NNMT: variants seen among roughly 807,000 people sequenced by gnomAD.
The protein encoded by NNMT is nicotinamide N-methyltransferase.
A neutral mutation model predicts 11.7 loss-of-function variants in NNMT; 10 were observed. That is an observed-to-expected ratio of 0.85 (90% CI 0.53 to 1.45). NNMT has a LOEUF of 1.45. NNMT is among the 40% of genes most tolerant of loss of function. NNMT has a pLI of 0.00. For synonymous variants in NNMT, 143 were observed against 133.8 expected, an observed-to-expected ratio of 1.07 and a Z score of -0.48; for missense variants, 381 against 319.4, an observed-to-expected ratio of 1.19 and a Z score of -1.47.
chr11:114,263,634 C>T (rs927865738), intron 2 of NNMT, among the ~76,000 whole-genome samples: 1 of 152,224 alleles, frequency 6.6e-6, no homozygotes. Context: ...ACCACGTAGA[C>T]CCCACACCTG....
intron 2 of NNMT, among the ~76,000 whole-genome samples, chr11:114,276,107 G>GCC (rs35929563): frequency 0.037 from 5,295 of 142,012 alleles, 66 homozygotes; most frequent in Middle Eastern, 0.078. Context: ...GTTTCAGGCT[G>GCC]CCCCCCCACC....
At chr11:114,284,525 G>A (rs1350263007) in intron 2 of NNMT, among the ~76,000 whole-genome samples, 1 of 152,120 alleles carries the variant, frequency 6.6e-6, no homozygotes, top group Non-Finnish European at 1.5e-5. Flanking sequence ...GTGCAGTGGT[G>A]CTATCTTGGC....
At chr11:114,284,289 C>A (rs1945281058) in intron 2 of NNMT, among the ~76,000 whole-genome samples, 1 of 152,158 alleles carries the variant, frequency 6.6e-6, no homozygotes, top group Admixed American at 6.5e-5. Flanking sequence ...GCCCTATCAC[C>A]CTGGATGCCA....
In NNMT at chr11:114,312,542, AC is replaced by A; in HGVS notation, c.*66del. The A allele has an allele frequency of 1.3e-6, 2 of 1,495,998 alleles. No individual in the cohort carries two copies. Among genetic ancestry groups the A allele is most frequent in the Non-Finnish European group, 1.8e-6 (2 of 1,099,444 alleles). The allele number at this position is 1,495,998 out of a possible 1,614,324, so 92.7% of individuals were successfully genotyped here. On this transcript the variant is annotated 3_prime_UTR_variant, in exon 3 of 3. Coordinates refer to ENST00000299964, the MANE Select transcript of NNMT (RefSeq NM_006169.3). ...CAGTTGACTTTAGTCCTTGTTTCTA[AC>A]TGCCAAGTCATGTGCTGAGTAGAGG...
At chr11:114,286,603 A>T (rs866307693) in intron 2 of NNMT, among the ~76,000 whole-genome samples, 2 of 152,182 alleles carry the variant, frequency 1.3e-5, no homozygotes, top group Admixed American at 6.5e-5. Context: ...CTTTCGCCCT[A>T]CATCATTTGG....
At chr11:114,277,242 A>C (rs1945220584) in intron 2 of NNMT, among the ~76,000 whole-genome samples, 1 of 152,162 alleles carries the variant, frequency 6.6e-6, no homozygotes, top group Non-Finnish European at 1.5e-5. Flanking sequence ...ATAAATAAAT[A>C]AAAGAAAAAG....
chr11:114,298,776 A>G lies in NNMT; in HGVS notation c.362+618A>G, dbSNP rs1941403. 6.6e-3 allele frequency among the ~76,000 whole-genome samples: 1,005 copies of G among 152,352 alleles called. 11 individuals carry two copies. The highest frequency in any genetic ancestry group is 0.023 in the African/African-American group (968 of 41,578). The stretch of plus-strand genomic sequence containing the variant: ...CAAGATCTTACACTACCACATCTAC[A>G]TGTAAATTTATGCAAATGAATCTCA... On this transcript the variant is annotated intron_variant, in intron 2 of 2. Transcript: ENST00000299964.
chr11:114,261,477 G>C (rs180734438), intron 1 of NNMT, among the ~76,000 whole-genome samples: 6,728 of 152,250 alleles, frequency 0.044, 164 homozygotes, highest in Non-Finnish European at 0.052. Context: ...CCAGCTACTC[G>C]GGAGGCTGAG....
intron 2 of NNMT, among the ~76,000 whole-genome samples, chr11:114,276,252 A>G (rs1280446255): frequency 1.3e-5 from 2 of 152,110 alleles, no homozygotes; most frequent in African/African-American, 4.8e-5. Flanking sequence ...CACTGCCCCT[A>G]GAGAGGAATT....
At chr11:114,278,798 C>T (rs1945236092) in intron 2 of NNMT, among the ~76,000 whole-genome samples, 1 of 152,160 alleles carries the variant, frequency 6.6e-6, no homozygotes. Context: ...GAGAAGCTTG[C>T]AGCAGATGGG....
intron 2 of NNMT, chr11:114,270,271 G>A (rs1320926720): frequency 6.6e-6 from 1 of 152,126 alleles, no homozygotes; most frequent in Non-Finnish European, 1.5e-5. Context: ...AACTAGATTT[G>A]AATTATTAAT....
chr11:114,304,919 A>G (rs936342665), intron 2 of NNMT, among the ~76,000 whole-genome samples: 7 of 152,238 alleles, frequency 4.6e-5, no homozygotes, highest in African/African-American at 1.2e-4. Context: ...AAACACTAAG[A>G]TACAATTACT....
At chr11:114,289,830 C>T (rs369767200) in intron 2 of NNMT, among the ~76,000 whole-genome samples, 1 of 152,172 alleles carries the variant, frequency 6.6e-6, no homozygotes. Flanking sequence ...TTGGGATGCT[C>T]TAACAAAATG....
In NNMT at chr11:114,312,475, T is replaced by C; in HGVS notation, c.793T>C (p.Ter265ArgextTer3). The change falls in exon 3 of 3, where the codon TGA becomes CGA. Residue 265 changes from the stop codon to arginine, a stop_lost. Transcript: ENST00000299964. ...LVARKLSRPL[*>R] ...GGCGAGGAAGCTGAGCAGACCCCTG[T>C]GATGCCTGTGACCTCAATTAAAGCA... is the stretch of plus-strand genomic sequence containing the variant. The C allele has an allele frequency of 6.2e-7, 1 of 1,611,546 alleles. No individual in the cohort carries two copies. The highest frequency in any genetic ancestry group is 8.5e-7 in the Non-Finnish European group (1 of 1,178,454).
intron 2 of NNMT, among the ~76,000 whole-genome samples, chr11:114,274,359 G>A (rs1036458285): frequency 6.6e-5 from 10 of 152,262 alleles, no homozygotes; most frequent in Admixed American, 5.2e-4. Context: ...CTGCCTGTGA[G>A]TCTTTCTAGG....
At chr11:114,264,801 C>A (rs1329083696) in intron 2 of NNMT, among the ~76,000 whole-genome samples, 2 of 152,166 alleles carry the variant, frequency 1.3e-5, no homozygotes, top group East Asian at 3.9e-4. Flanking sequence ...CTACATTTAC[C>A]TATTTACTAT....
chr11:114,307,601 G>C (rs576275122), intron 2 of NNMT, among the ~76,000 whole-genome samples: 85 of 152,022 alleles, frequency 5.6e-4, no homozygotes, highest in African/African-American at 2.0e-3. Flanking sequence ...GTGCTCCCTA[G>C]TGACTCTCCA....
Position 114,298,116 on chromosome 11 carries a change from G to A in NNMT, c.320G>A (p.Trp107Ter). Residue 107 changes from tryptophan to a stop codon, truncating the protein, a stop_gained, in exon 2 of 3, where the codon TGG becomes TAG. Transcript: ENST00000299964. LOFTEE classifies it low-confidence loss of function (END_TRUNC). ...WLKKEPEAFD[W>*]SPVVTYVCDL... is the part of the protein sequence containing the mutation. Reference sequence around the variant, plus strand: ...AAGAAAGAGCCAGAGGCCTTTGACTGGTCCCCAGTGGTGACCTATGTGTGT... The same window carrying A: ...AAGAAAGAGCCAGAGGCCTTTGACTAGTCCCCAGTGGTGACCTATGTGTGT... 1 of 1,614,148 alleles carries A rather than the reference G, an allele frequency of 6.2e-7. No homozygotes were observed. The highest frequency in any genetic ancestry group is 2.2e-5 in the East Asian group (1 of 44,868).
chr11:114,281,904 C>G (rs1945265789), intron 2 of NNMT, among the ~76,000 whole-genome samples: 1 of 152,156 alleles, frequency 6.6e-6, no homozygotes, highest in Admixed American at 6.5e-5. Flanking sequence ...TGTGCCTGAA[C>G]AAGTGACTCC....
Sources: allele counts gnomAD v4.1 joint callset (sites outside exome capture counted in the v4.1 genomes callset), GRCh38; gene constraint gnomAD v4.1.1; transcripts MANE v1.5; gene names NCBI Gene and HGNC (gene_info 2026-07-23, HGNC 2026-07-21).